Variants in NDC80 observed in about 807,000 individuals in gnomAD.
NDC80 encodes NDC80 kinetochore complex component.
Under a neutral mutation model 89.3 loss-of-function variants are expected in NDC80, and 69 were observed. The observed-to-expected ratio is 0.77, with a 90% confidence interval of 0.64 to 0.94. NDC80 has a LOEUF of 0.94. NDC80 is among the 40% of genes least tolerant of loss of function. The probability of loss-of-function intolerance (pLI) is 0.00; values close to 1 mark genes in which losing one functional copy is unlikely to be tolerated. For missense variants in NDC80, 593 were observed against 739.6 expected (o/e 0.80, Z 2.30); for synonymous variants, 243 against 255.6 (o/e 0.95, Z 0.47).
chr18:2,596,572 T>C (rs1011516099), intron 11 of NDC80, among the ~76,000 whole-genome samples: 11 of 148,768 alleles, frequency 7.4e-5, no homozygotes, highest in African/African-American at 2.7e-4. Flanking sequence ...TTTGACACTG[T>C]TGGTGGGACT....
chr18:2,606,694 T>C lies in NDC80; in HGVS notation c.1557+187T>C, dbSNP rs544191586. On this transcript the variant is annotated intron_variant, in intron 14 of 16. Coordinates refer to ENST00000261597, the MANE Select transcript of NDC80 (RefSeq NM_006101.3). ...ATTTTATTTTGTTCTTTAAAGGACA[T>C]TTTTCTGGATTAGGGCTGTTTTACC... is the stretch of plus-strand genomic sequence containing the variant. Among the ~76,000 whole-genome samples, 4 of 152,230 alleles carry C rather than the reference T, an allele frequency of 2.6e-5. No homozygotes were observed. The East Asian group carries it at 5.8e-4, about 22-fold the overall frequency.
intron 16 of NDC80, among the ~76,000 whole-genome samples, chr18:2,612,896 G>A (rs2072752830): frequency 6.6e-6 from 1 of 152,178 alleles, no homozygotes; most frequent in African/African-American, 2.4e-5. Context: ...AAAGTCAAAC[G>A]AGTGTGGTTC....
At chr18:2,587,640 G>A (rs1461813202) in intron 7 of NDC80, among the ~76,000 whole-genome samples, 190 bp from the exon 8 acceptor site, 1 of 152,096 alleles carries the variant, frequency 6.6e-6, no homozygotes, top group African/African-American at 2.4e-5. Flanking sequence ...ATATTTAGAA[G>A]TAGCAGACTA....
intron 16 of NDC80, among the ~76,000 whole-genome samples, chr18:2,614,628 A>G (rs1303593318): frequency 1.3e-5 from 1 of 76,960 alleles, no homozygotes; most frequent in East Asian, 5.4e-4. Flanking sequence ...AAAGAAAGAA[A>G]GAAAGAAAGA....
Position 2,578,963 on chromosome 18 carries a change from A to C in NDC80, c.513A>C (p.Thr171=), listed in dbSNP as rs749093357. ...PFALSKSSMY[T]VGAPHTWPHI... ...CACTATCCAAAAGCTCCATGTACAC[A>C]GTGGGGGCTCCTCATACATGGCCTC... The change falls in exon 6 of 17, where the codon ACA becomes ACC. Residue 171 remains threonine (T), a synonymous_variant. Transcript: ENST00000261597. The C allele has an allele frequency of 1.3e-6, 2 of 1,570,716 alleles. No homozygotes were observed. The highest frequency in any genetic ancestry group is 2.4e-5 in the East Asian group (1 of 42,486).
chr18:2,615,743 T>C (rs2072781081), intron 16 of NDC80, among the ~76,000 whole-genome samples: 1 of 152,220 alleles, frequency 6.6e-6, no homozygotes. Flanking sequence ...TACTATGCAG[T>C]ACATTGAATA....
At position 2,595,499 on chromosome 18, in the gene NDC80, G is replaced by A. The variant is rs1183027676; in HGVS notation, c.1099G>A (p.Glu367Lys). ...CCAGAAGTACTCAGTTGCAGACATT[G>A]AGCGAATAAATCATGAAAGAAATGA... is the stretch of plus-strand genomic sequence containing the variant. ...DNQKYSVADI[E>K]RINHERNELQ... The change falls in exon 11 of 17, where the codon GAG becomes AAG. Residue 367 changes from glutamate (E) to lysine (K), a missense_variant. Coordinates refer to ENST00000261597, the MANE Select transcript of NDC80 (RefSeq NM_006101.3). 1 of 1,613,758 alleles carries A rather than the reference G, an allele frequency of 6.2e-7. No individual in the cohort carries two copies. Among genetic ancestry groups the A allele is most frequent in the South Asian group, 1.1e-5 (1 of 91,036 alleles).
chr18:2,614,439 A>AAAGAAAGAAAGAAAGAAAG, intron 16 of NDC80: 2 of 24,726 alleles, frequency 8.1e-5, no homozygotes, highest in African/African-American at 6.3e-4. Context: ...CTGTCTCAAA[A>AAAGAAAGAAAGAAAGAAAG]AAAGAAAGAA....
chr18:2,603,718 A>C (rs1026835984), intron 13 of NDC80, among the ~76,000 whole-genome samples: 3 of 152,150 alleles, frequency 2.0e-5, no homozygotes, highest in Non-Finnish European at 4.4e-5. Flanking sequence ...TTTATGTTTA[A>C]AATTTTTTGA....
chr18:2,599,030 A>G lies in NDC80; in HGVS notation c.1233A>G (p.Gln411=). ...TTCTGTTCTTACAGATTGAAACACAATTAGCAGAGTATCACAAATTGGCTA... is the reference window on the plus strand; with the variant it reads ...TTCTGTTCTTACAGATTGAAACACAGTTAGCAGAGTATCACAAATTGGCTA... The part of the protein sequence containing the change: ...YARGKEAIET[Q]LAEYHKLARK... Residue 411 remains glutamine, a synonymous_variant, in exon 12 of 17, where the codon CAA becomes CAG. Coordinates refer to ENST00000261597, the MANE Select transcript of NDC80 (RefSeq NM_006101.3). The G allele has an allele frequency of 6.2e-7, 1 of 1,609,804 alleles. No homozygotes were observed. Among genetic ancestry groups the G allele is most frequent in the Non-Finnish European group, 8.5e-7 (1 of 1,178,016 alleles).
chr18:2,612,065 T>A (rs1349027298), intron 16 of NDC80, among the ~76,000 whole-genome samples: 1 of 152,164 alleles, frequency 6.6e-6, no homozygotes, highest in Non-Finnish European at 1.5e-5. Context: ...TGATATGTTC[T>A]CATTTTCCCA....
intron 10 of NDC80, 67 bp downstream of exon 10, chr18:2,590,229 G>A (rs2072620937): frequency 1.4e-6 from 2 of 1,415,036 alleles, no homozygotes; most frequent in African/African-American, 2.9e-5. Context: ...TGTAAAAACA[G>A]CTTTGTTATC....
In NDC80 at chr18:2,577,935, C is replaced by T. The variant is rs750801295; in HGVS notation, c.304-34C>T. The T allele has an allele frequency of 1.3e-5, 21 of 1,609,264 alleles. No homozygotes were observed. In the Middle Eastern group the frequency reaches 6.6e-4, roughly 51 times the overall value. The stretch of plus-strand genomic sequence containing the variant: ...GGTATTTTCCAATAATTTTCCATTA[C>T]AAAACGTTTGGTGGTTCATAAAAAT... On this transcript the variant is annotated intron_variant, in intron 4 of 16. Transcript: ENST00000261597.
intron 12 of NDC80, among the ~76,000 whole-genome samples, chr18:2,599,871 ATT>A (rs1391488028): frequency 6.6e-6 from 1 of 152,208 alleles, no homozygotes; most frequent in Non-Finnish European, 1.5e-5. Flanking sequence ...AGAATTATTC[ATT>A]TAACAAGTAT....
Position 2,589,389 on chromosome 18 carries a change from A to G in NDC80, c.870+79A>G, listed in dbSNP as rs2072616509. The G allele has an allele frequency of 3.2e-6, 3 of 926,484 alleles. No homozygotes were observed. In the East Asian group the frequency reaches 7.4e-5, roughly 23 times the overall value. The allele number at this position is 926,484 out of a possible 1,614,324, so 57.4% of individuals were successfully genotyped here. On this transcript the variant is annotated intron_variant, in intron 9 of 16. Transcript: ENST00000261597. ...TCCTTGGATATTAGCTGTCTTTATCAAAATTTTAAAAAATAGATTAACAAA... is the reference window on the plus strand; with the variant it reads ...TCCTTGGATATTAGCTGTCTTTATCGAAATTTTAAAAAATAGATTAACAAA...
At chr18:2,595,314 T>C (rs2072649097) in intron 10 of NDC80, 102 bp from the exon 11 acceptor site, 1 of 523,524 alleles carries the variant, frequency 1.9e-6, no homozygotes, top group Admixed American at 3.3e-5. Context: ...CACACATATA[T>C]ATGACTTGGA....
At chr18:2,576,226 T>C (rs1407273815) in intron 3 of NDC80, among the ~76,000 whole-genome samples, 9 of 152,228 alleles carry the variant, frequency 5.9e-5, no homozygotes, top group Non-Finnish European at 1.5e-5. Context: ...AAATTAACCA[T>C]AGTAGAAATT....
rs772713246 is a variant in NDC80 at position 2,606,468 on chromosome 18, A to C, written c.1518A>C (p.Glu506Asp). ...GAAGTGTGAGAACTCTGAAAGAAGA[A>C]GTTCAAAAGCTGGATGATCTTTACC... ...SKRSVRTLKE[E>D]VQKLDDLYQQ... The change falls in exon 14 of 17, where the codon GAA (glutamate) becomes GAC (aspartate). Residue 506 changes from glutamate to aspartate, a missense_variant. Transcript: ENST00000261597. 3.1e-6 allele frequency: 5 copies of C among 1,607,660 alleles called. No homozygotes were observed. The highest frequency in any genetic ancestry group is 1.1e-5 in the South Asian group (1 of 90,134).
intron 6 of NDC80, among the ~76,000 whole-genome samples, chr18:2,583,788 G>A (rs1309550695): frequency 6.6e-6 from 1 of 151,790 alleles, no homozygotes. Flanking sequence ...TTCTGCATCC[G>A]CCTTAGATAA....
Sources: allele counts gnomAD v4.1 joint callset (sites outside exome capture counted in the v4.1 genomes callset), GRCh38; gene constraint gnomAD v4.1.1; transcripts MANE v1.5; gene names NCBI Gene and HGNC (gene_info 2026-07-23, HGNC 2026-07-21).